NEGR1: variants seen among roughly 807,000 people sequenced by gnomAD.
The protein encoded by NEGR1 is neuronal growth regulator 1.
Under a neutral mutation model 40.9 loss-of-function variants are expected in NEGR1, and 10 were observed. The observed-to-expected ratio is 0.24, with a 90% CI of 0.15 to 0.42. The LOEUF is 0.42. Among genes scored for constraint, NEGR1 ranks in the 10% least tolerant of loss-of-function variants. The pLI, the probability that NEGR1 is intolerant of heterozygous loss-of-function variation, is 1.00. For missense variants in NEGR1, 352 were observed against 438.9 expected (o/e 0.80, Z 1.77); for synonymous variants, 185 against 166.8 (o/e 1.11, Z -0.84).
At chr1:71,713,935 G>A (rs982679975) in intron 3 of NEGR1, among the ~76,000 whole-genome samples, 1 of 152,136 alleles carries the variant, frequency 6.6e-6, no homozygotes, top group African/African-American at 2.4e-5. Context: ...ATGTGATCTG[G>A]GGCAAAATTT....
intron 4 of NEGR1, among the ~76,000 whole-genome samples, chr1:71,660,767 G>A (rs545470387): frequency 2.0e-5 from 3 of 152,158 alleles, no homozygotes; most frequent in Admixed American, 2.0e-4. Context: ...TTGTTACATA[G>A]GTATACACGT....
chr1:71,782,649 T>C (rs1656758182), intron 2 of NEGR1, among the ~76,000 whole-genome samples: 1 of 152,184 alleles, frequency 6.6e-6, no homozygotes, highest in Non-Finnish European at 1.5e-5. Context: ...AAATATTTCA[T>C]TGTTCTTTCA....
At chr1:71,870,586 G>A (rs567627103) in intron 2 of NEGR1, among the ~76,000 whole-genome samples, 1 of 152,274 alleles carries the variant, frequency 6.6e-6, no homozygotes, top group East Asian at 1.9e-4. Context: ...GTGCAGTTAA[G>A]TATAGCTGAC....
At position 71,664,875 on chromosome 1, in the gene NEGR1, C is replaced by G. The variant is rs533431420; in HGVS notation, c.667+33133G>C. 5.9e-5 allele frequency among the ~76,000 whole-genome samples: 9 copies of G among 152,166 alleles called. No individual in the cohort carries two copies. The East Asian group carries it at 1.5e-3, about 26-fold the overall frequency. ...AGGCTGCCATTTGGACTTACTTTAT[C>G]TAGAGAAATGTAAGTTTCTGGGGTA... On this transcript the variant is annotated intron_variant, in intron 4 of 6. Transcript: ENST00000357731.
chr1:72,025,453 A>G (rs778208859), intron 1 of NEGR1, among the ~76,000 whole-genome samples: 2 of 152,174 alleles, frequency 1.3e-5, no homozygotes, highest in Non-Finnish European at 2.9e-5. Flanking sequence ...ATTAATTAAT[A>G]AAATAATTCA....
chr1:71,740,123 T>C (rs998779186), intron 3 of NEGR1, among the ~76,000 whole-genome samples: 1 of 152,220 alleles, frequency 6.6e-6, no homozygotes, highest in African/African-American at 2.4e-5. Context: ...ACTTATCTTA[T>C]GGAATTTATA....
At chr1:71,937,745 C>T (rs1406631663) in intron 1 of NEGR1, among the ~76,000 whole-genome samples, 2 of 152,146 alleles carry the variant, frequency 1.3e-5, no homozygotes, top group African/African-American at 4.8e-5. Context: ...TTCTTATTTA[C>T]TGAATGTGAC....
At chr1:72,096,406 ATCT>A (rs1648698643) in intron 1 of NEGR1, among the ~76,000 whole-genome samples, 2 of 152,118 alleles carry the variant, frequency 1.3e-5, no homozygotes, top group South Asian at 2.1e-4. Context: ...ATTTGGTGTG[ATCT>A]TCTGAAGTTA....
chr1:72,225,345 T>A (rs1654157501), intron 1 of NEGR1, among the ~76,000 whole-genome samples: 1 of 151,960 alleles, frequency 6.6e-6, no homozygotes, highest in Non-Finnish European at 1.5e-5. Flanking sequence ...TCATGGTATA[T>A]CTTTTATAAT....
chr1:71,968,450 C>T (rs934827888), intron 1 of NEGR1, among the ~76,000 whole-genome samples: 1 of 152,090 alleles, frequency 6.6e-6, no homozygotes, highest in African/African-American at 2.4e-5. Flanking sequence ...ATTTCTATTG[C>T]ATACTGGTTC....
At chr1:72,039,917 G>T (rs1180534453) in intron 1 of NEGR1, among the ~76,000 whole-genome samples, 1 of 151,904 alleles carries the variant, frequency 6.6e-6, no homozygotes, top group East Asian at 1.9e-4. Flanking sequence ...TAGAAAGCTG[G>T]ATGTAGGCAC....
At chr1:71,803,666 T>G (rs1300706472) in intron 2 of NEGR1, among the ~76,000 whole-genome samples, 1 of 152,192 alleles carries the variant, frequency 6.6e-6, no homozygotes, top group Non-Finnish European at 1.5e-5. Flanking sequence ...AAATATAACC[T>G]TGTCAAAAAT....
chr1:72,186,488 G>C (rs1255144466), intron 1 of NEGR1, among the ~76,000 whole-genome samples: 1 of 151,578 alleles, frequency 6.6e-6, no homozygotes, highest in African/African-American at 2.4e-5. Flanking sequence ...CAGGAGAAAA[G>C]AGGACTGGGC....
chr1:72,080,567 C>T (rs1330435792), intron 1 of NEGR1, among the ~76,000 whole-genome samples: 1 of 151,988 alleles, frequency 6.6e-6, no homozygotes, highest in Non-Finnish European at 1.5e-5. Context: ...ATGCACTAGG[C>T]ACTACACTGA....
chr1:71,921,843 T>A (rs1177496017), intron 2 of NEGR1, among the ~76,000 whole-genome samples: 3 of 151,568 alleles, frequency 2.0e-5, no homozygotes, highest in Non-Finnish European at 4.4e-5. Context: ...AGTAGGCTAT[T>A]AGTAAAGTTT....
chr1:72,002,756 T>C (rs916019369), intron 1 of NEGR1, among the ~76,000 whole-genome samples: 12 of 152,208 alleles, frequency 7.9e-5, no homozygotes, highest in Admixed American at 4.6e-4. Context: ...AAATCAATAC[T>C]AACTTTCAAA....
chr1:71,556,775 G>A (rs1331345036), intron 6 of NEGR1, among the ~76,000 whole-genome samples: 2 of 151,456 alleles, frequency 1.3e-5, no homozygotes, highest in Non-Finnish European at 3.0e-5. Flanking sequence ...GGCTGGGAGA[G>A]GGGTCGATAT....
At chr1:71,947,992 A>T (rs1646036648) in intron 1 of NEGR1, among the ~76,000 whole-genome samples, 1 of 152,174 alleles carries the variant, frequency 6.6e-6, no homozygotes, top group Non-Finnish European at 1.5e-5. Flanking sequence ...GAAAGGAGAC[A>T]ACTGAATATA....
intron 3 of NEGR1, among the ~76,000 whole-genome samples, chr1:71,708,557 G>A (rs1653978334): frequency 6.6e-6 from 1 of 151,844 alleles, no homozygotes; most frequent in Non-Finnish European, 1.5e-5. Flanking sequence ...AGCCTAAATG[G>A]AAGGAAACAA....
Sources: allele counts gnomAD v4.1 joint callset (sites outside exome capture counted in the v4.1 genomes callset), GRCh38; gene constraint gnomAD v4.1.1; transcripts MANE v1.5; gene names NCBI Gene and HGNC (gene_info 2026-07-23, HGNC 2026-07-21).